Variants in ITGB3BP observed in about 807,000 individuals in gnomAD.
ITGB3BP encodes integrin subunit beta 3 binding protein, also known as centromere protein R.
In ITGB3BP, 27 loss-of-function variants were observed where a neutral mutation model predicts 29.1. That is an observed-to-expected ratio of 0.93 (90% CI 0.68 to 1.28). The LOEUF is 1.28. Ranked by LOEUF, ITGB3BP falls within the 50% of genes most tolerant of loss-of-function variation. The pLI, the probability that ITGB3BP is intolerant of heterozygous loss-of-function variation, is 0.00. For missense variants in ITGB3BP, 192 were observed against 200.2 expected (o/e 0.96, Z 0.25); for synonymous variants, 61 against 61.4 (o/e 0.99, Z 0.03).
chr1:63,472,465 CCCTCTCCCCTCTCT>C (rs1401888929), intron 4 of ITGB3BP, among the ~76,000 whole-genome samples: 6 of 146,876 alleles, frequency 4.1e-5, no homozygotes, highest in African/African-American at 7.5e-5. Flanking sequence ...CTCCCCTCTC[CCCTCTCCCCTCTCT>C]CCTCTCCACG....
chr1:63,516,433 G>C (rs1433601586), intron 1 of ITGB3BP, among the ~76,000 whole-genome samples: 1 of 151,458 alleles, frequency 6.6e-6, no homozygotes. Context: ...GGAAAGCAAA[G>C]AAAATCAACT....
chr1:63,522,074 C>T (rs1023777870), intron 1 of ITGB3BP, among the ~76,000 whole-genome samples: 1 of 152,202 alleles, frequency 6.6e-6, no homozygotes. Context: ...ATCAGTAAAA[C>T]ATGCATTTAT....
At chr1:63,444,629 GGAGATATATAT>G (rs2100464970) in intron 8 of ITGB3BP, among the ~76,000 whole-genome samples, 1 of 107,288 alleles carries the variant, frequency 9.3e-6, no homozygotes, top group East Asian at 3.1e-4. Flanking sequence ...ATTACATATA[GGAGATATATAT>G]ATATCTCCTA....
chr1:63,444,077 G>C (rs1400692711), intron 8 of ITGB3BP, among the ~76,000 whole-genome samples: 1 of 152,150 alleles, frequency 6.6e-6, no homozygotes, highest in East Asian at 1.9e-4. Flanking sequence ...TAATTTCACT[G>C]TCATTGCTCT....
Position 63,446,802 on chromosome 1 carries a change from G to C in ITGB3BP, c.*1+4C>G. 6.3e-7 allele frequency: 1 copy of C among 1,594,232 alleles called. No individual in the cohort carries two copies. Among genetic ancestry groups the C allele is most frequent in the Non-Finnish European group, 8.6e-7 (1 of 1,162,260 alleles). On this transcript the variant is annotated splice_donor_region_variant and intron_variant, in intron 8 of 8. Coordinates refer to ENST00000271002, the MANE Select transcript of ITGB3BP (RefSeq NM_014288.5). Reference sequence around the variant, plus strand: ...TAAACTAAATTAGAAAGGTGAAACAGTACCTCAGTTTAAAATGGCTTTAAG... The same window carrying C: ...TAAACTAAATTAGAAAGGTGAAACACTACCTCAGTTTAAAATGGCTTTAAG...
intron 2 of ITGB3BP, among the ~76,000 whole-genome samples, chr1:63,507,684 T>A (rs1186466248): frequency 6.6e-6 from 1 of 152,210 alleles, no homozygotes; most frequent in African/African-American, 2.4e-5. Flanking sequence ...TGTTTAAAAA[T>A]TTTTAAAAAG....
At chr1:63,519,952 C>T (rs1190246432) in intron 1 of ITGB3BP, among the ~76,000 whole-genome samples, 1 of 152,078 alleles carries the variant, frequency 6.6e-6, no homozygotes, top group Non-Finnish European at 1.5e-5. Context: ...TAATGCTATT[C>T]CAACTTTATA....
intron 4 of ITGB3BP, 115 bp from the exon 5 acceptor site, chr1:63,455,083 T>C: frequency 1.7e-6 from 1 of 593,850 alleles, no homozygotes; most frequent in Non-Finnish European, 3.0e-6. Flanking sequence ...TTTCATTCTT[T>C]ACAAACACAA....
chr1:63,478,383 C>A (rs1367004622), intron 4 of ITGB3BP, among the ~76,000 whole-genome samples: 1 of 152,220 alleles, frequency 6.6e-6, no homozygotes, highest in African/African-American at 2.4e-5. Flanking sequence ...AGATCTCTCA[C>A]TCTGCTGGCT....
chr1:63,453,957 GT>G lies in ITGB3BP; in HGVS notation c.444del (p.Lys148AsnfsTer29). The G allele has an allele frequency of 6.3e-7, 1 of 1,577,656 alleles. No individual in the cohort carries two copies. The highest frequency in any genetic ancestry group is 1.4e-5 in the African/African-American group (1 of 74,006). On this transcript the variant is annotated frameshift_variant, in exon 7 of 9. Transcript: ENST00000271002. LOFTEE classifies it high-confidence loss of function. The part of the protein sequence containing the change: ...KTKELMTKVN[K>X]QKLFEKSTGL... ...CCTGTACTCTTTTCAAACAGTTTTT[GT>G]TTATTCACTTTTGTCACTAAAAGAA...
intron 3 of ITGB3BP, among the ~76,000 whole-genome samples, chr1:63,485,396 GAT>G (rs1366526355): frequency 2.0e-5 from 3 of 151,048 alleles, no homozygotes; most frequent in Admixed American, 6.6e-5. Flanking sequence ...CACCTTCCAT[GAT>G]AGTTTTTCAC....
chr1:63,448,154 G>C (rs1269651384), intron 7 of ITGB3BP, among the ~76,000 whole-genome samples: 6 of 122,016 alleles, frequency 4.9e-5, no homozygotes, highest in African/African-American at 1.9e-4. Flanking sequence ...ACAGGAAGGG[G>C]AACATCACAC....
At chr1:63,455,641 C>T (rs1644922929) in intron 4 of ITGB3BP, among the ~76,000 whole-genome samples, 1 of 152,034 alleles carries the variant, frequency 6.6e-6, no homozygotes, top group Non-Finnish European at 1.5e-5. Context: ...ATATTATATA[C>T]ATTTTGGGGG....
At chr1:63,458,032 T>C (rs1230234554) in intron 4 of ITGB3BP, 1 of 152,180 alleles carries the variant, frequency 6.6e-6, no homozygotes, top group Non-Finnish European at 1.5e-5. Context: ...TCCAATTTGC[T>C]TAGAAGAGTT....
chr1:63,475,331 G>A (rs188696686), intron 4 of ITGB3BP, among the ~76,000 whole-genome samples: 1 of 152,292 alleles, frequency 6.6e-6, no homozygotes, highest in African/African-American at 2.4e-5. Flanking sequence ...TGAGGCAAGA[G>A]GATCGCTTTA....
intron 2 of ITGB3BP, among the ~76,000 whole-genome samples, chr1:63,502,569 T>C (rs1404976209): frequency 2.7e-5 from 4 of 150,846 alleles, no homozygotes; most frequent in Non-Finnish European, 2.9e-5. Flanking sequence ...AACGTGCAGG[T>C]TAGTTACATA....
intron 1 of ITGB3BP, among the ~76,000 whole-genome samples, chr1:63,521,107 C>A (rs1450779391): frequency 6.6e-6 from 1 of 152,002 alleles, no homozygotes; most frequent in Non-Finnish European, 1.5e-5. Context: ...ATAGATCACA[C>A]CCTCCCGTAA....
rs1644746002 is a variant in ITGB3BP, at chr1:63,442,756, G to A, written c.*2-1653C>T. 2.6e-5 allele frequency: 4 copies of A among 152,160 alleles called. No homozygotes were observed. The South Asian group carries it at 8.3e-4, about 32-fold the overall frequency. The allele number at this position is 152,160 out of a possible 1,614,324, so 9.4% of individuals were successfully genotyped here. ...TTGTTATTGGCCAGAACTTAGAAGAGTCTGAACTTGTATCATTTATCATAA... is the reference window on the plus strand; with the variant it reads ...TTGTTATTGGCCAGAACTTAGAAGAATCTGAACTTGTATCATTTATCATAA... On this transcript the variant is annotated intron_variant, in intron 8 of 8. Coordinates refer to ENST00000271002, the MANE Select transcript of ITGB3BP (RefSeq NM_014288.5).
rs200345233 is a variant in ITGB3BP at position 63,508,583 on chromosome 1, A to C, written c.6-13T>G. ...TGATCTTTTAACACTACAAACAAAA[A>C]ATTTAAAGAAATTTTAGATTTGACA... On this transcript the variant is annotated splice_polypyrimidine_tract_variant and intron_variant, in intron 1 of 8. Transcript: ENST00000271002. The C allele has an allele frequency of 2.1e-5, 26 of 1,213,682 alleles. No homozygotes were observed. In the East Asian group the frequency reaches 5.5e-4, roughly 26 times the overall value. 75.2% of individuals were successfully genotyped at this position (1,213,682 alleles called of 1,614,324 possible). A position where few individuals can be genotyped will look rare whatever the true frequency, so the allele number is the denominator to read the frequency against.
Sources: allele counts gnomAD v4.1 joint callset (sites outside exome capture counted in the v4.1 genomes callset), GRCh38; gene constraint gnomAD v4.1.1; transcripts MANE v1.5; gene names NCBI Gene and HGNC (gene_info 2026-07-23, HGNC 2026-07-21).